The following ADAMTS9 variants were observed in gnomAD, a reference collection of about 807,000 sequenced individuals.
ADAMTS9 encodes A disintegrin and metalloproteinase with thrombospondin motifs 9.
A neutral mutation model predicts 257.1 loss-of-function variants in ADAMTS9; 107 were observed. The observed-to-expected ratio is 0.42, with a 90% CI of 0.36 to 0.49. The LOEUF (loss-of-function observed/expected upper bound fraction) is 0.49, where lower values mean the gene tolerates loss of function less well. ADAMTS9 is among the 20% of genes least tolerant of loss of function. ADAMTS9 has a pLI of 0.03. For missense variants in ADAMTS9, 2,353 were observed against 2,469.1 expected, an observed-to-expected ratio of 0.95 and a Z score of 1.00; for synonymous variants, 982 against 880.9, an observed-to-expected ratio of 1.11 and a Z score of -2.03.
rs1576197970 is a variant in ADAMTS9, at chr3:64,687,768, C to G, written c.-111G>C. ...TGGAGAGCGCGCGGAGCCCGGCGCCCGCCGCCAACTTTTGACTTTAGGAGT... is the reference window on the plus strand; with the variant it reads ...TGGAGAGCGCGCGGAGCCCGGCGCCGGCCGCCAACTTTTGACTTTAGGAGT... On this transcript the variant is annotated 5_prime_UTR_variant, in exon 1 of 40. Coordinates refer to ENST00000498707, the MANE Select transcript of ADAMTS9 (RefSeq NM_182920.2). The surrounding 1 kb of genome is among the most constrained non-coding windows in gnomAD (Gnocchi z 4.4). 1 of 821,804 alleles carries G rather than the reference C, an allele frequency of 1.2e-6. No homozygotes were observed. The highest frequency in any genetic ancestry group is 1.8e-6 in the Non-Finnish European group (1 of 562,366). 50.9% of individuals were successfully genotyped at this position (821,804 alleles called of 1,614,324 possible). A position where few individuals can be genotyped will look rare whatever the true frequency, so the allele number is the denominator to read the frequency against.
chr3:64,621,590 G>A (rs1559796275), intron 18 of ADAMTS9, among the ~76,000 whole-genome samples: 2 of 151,698 alleles, frequency 1.3e-5, no homozygotes, highest in South Asian at 2.1e-4. Context: ...GGTGAAACCC[G>A]TTCTCTACCA....
At chr3:64,535,557 T>TC (rs1242466682) in intron 37 of ADAMTS9, among the ~76,000 whole-genome samples, 7 of 131,084 alleles carry the variant, frequency 5.3e-5, no homozygotes, top group East Asian at 6.4e-4. Flanking sequence ...CTTTTCTTTT[T>TC]TTTTTTTTTT....
intron 28 of ADAMTS9, among the ~76,000 whole-genome samples, chr3:64,577,700 C>A (rs1381574458): frequency 6.6e-6 from 1 of 151,032 alleles, no homozygotes; most frequent in Admixed American, 6.6e-5. Flanking sequence ...GGCAGACCCA[C>A]TTGACATGAC....
chr3:64,600,249 G>A (rs1199781813), intron 26 of ADAMTS9, among the ~76,000 whole-genome samples: 2 of 152,050 alleles, frequency 1.3e-5, no homozygotes, highest in Non-Finnish European at 1.5e-5. Context: ...TGTGTACCAT[G>A]CAATGCAATG....
At position 64,561,671 on chromosome 3, in the gene ADAMTS9, G is replaced by C. The variant is rs1410729278; in HGVS notation, c.4605C>G (p.Thr1535=). ...QIGTHKIARE[T]ECNPYTRPES... ...CCGGTCTGGTGTATGGGTTGCACTC[G>C]GTCTCTCTGGCTATTTTGTGTGTTC... Residue 1535 remains threonine, a synonymous_variant, in exon 30 of 40, where the codon ACC becomes ACG. Transcript: ENST00000498707. 1.9e-6 allele frequency: 3 copies of C among 1,613,978 alleles called. No homozygotes were observed. Among genetic ancestry groups the C allele is most frequent in the Non-Finnish European group, 2.5e-6 (3 of 1,179,980 alleles).
intron 15 of ADAMTS9, 88 bp from the exon 16 acceptor site, chr3:64,631,638 G>A: frequency 7.8e-7 from 1 of 1,286,766 alleles, no homozygotes; most frequent in Non-Finnish European, 1.1e-6. Flanking sequence ...CAAAGGAATA[G>A]AATATAATTC....
At chr3:64,583,113 C>T (rs1167889538) in intron 28 of ADAMTS9, 1 of 152,182 alleles carries the variant, frequency 6.6e-6, no homozygotes, top group East Asian at 1.9e-4. Flanking sequence ...AATGCCCACC[C>T]ACATTTATGC....
chr3:64,592,019 G>A (rs1042699301), intron 28 of ADAMTS9, among the ~76,000 whole-genome samples: 2 of 152,076 alleles, frequency 1.3e-5, no homozygotes, highest in African/African-American at 2.4e-5. Context: ...GAATTACTAA[G>A]ATATTATACC....
At chr3:64,547,533 G>C (rs1303770059) in intron 31 of ADAMTS9, among the ~76,000 whole-genome samples, 1 of 14,730 alleles carries the variant, frequency 6.8e-5, no homozygotes, top group African/African-American at 1.1e-4. Flanking sequence ...TTTTTTTTGA[G>C]ACTGTGTCTC....
At chr3:64,520,836 T>C (rs1454332877) in intron 39 of ADAMTS9, among the ~76,000 whole-genome samples, 1 of 152,080 alleles carries the variant, frequency 6.6e-6, no homozygotes, top group Non-Finnish European at 1.5e-5. Context: ...CTTCAAAACA[T>C]AAAAATTCTA....
In ADAMTS9 at chr3:64,594,376, T is replaced by C. The variant is rs779279115; in HGVS notation, c.4238A>G (p.Asn1413Ser). Reference protein sequence around the residue: ...RTRLVVCQRSNGERFPDLSCE... With the variant: ...RTRLVVCQRSSGERFPDLSCE... ...GCTCAAATCTGGAAACCGTTCACCG[T>C]TGGACCGCTGACAGACCACCAGTCT... Residue 1413 changes from asparagine to serine, a missense_variant, in exon 28 of 40, where the codon AAC becomes AGC. Asn to Ser is a conservative substitution (Grantham distance 46). Around this residue, in one of 3 missense-constraint regions of ADAMTS9, gnomAD observed 1,402 missense variants for 1,441.4 expected, o/e 0.97. Coordinates refer to ENST00000498707, the MANE Select transcript of ADAMTS9 (RefSeq NM_182920.2). The C allele has an allele frequency of 1.2e-5, 19 of 1,614,058 alleles. No homozygotes were observed. The highest frequency in any genetic ancestry group is 5.3e-5 in the African/African-American group (4 of 75,028).
At position 64,536,240 on chromosome 3, in the gene ADAMTS9, A is replaced by G. The variant is rs574582587; in HGVS notation, c.5613+2963T>C. 9.2e-5 allele frequency among the ~76,000 whole-genome samples: 14 copies of G among 152,318 alleles called. No individual in the cohort carries two copies. In the South Asian group the frequency reaches 2.9e-3, roughly 32 times the overall value. On this transcript the variant is annotated intron_variant, in intron 37 of 39. Transcript: ENST00000498707. ...CAGTTTAGGGATCTGCATTTCAGCA[A>G]ATGTCCTAGCTGATTGTTAGCACTC...
At position 64,631,500 on chromosome 3, in the gene ADAMTS9, G is replaced by A. The variant is rs1049047605; in HGVS notation, c.2344C>T (p.Arg782Trp). The change falls in exon 16 of 40, where the codon CGG becomes TGG. Residue 782 changes from arginine to tryptophan, a missense_variant. Arg to Trp is a moderately radical substitution (Grantham distance 101, BLOSUM62 -3). This residue lies in a region of ADAMTS9 where 360 missense variants were observed against 458.1 expected (regional missense o/e 0.79). Transcript: ENST00000498707. ...GTTTCCCCTGAGAAACTGTGCTGCCGCACATCAATATTGGTAGCACCAGCT... is the reference window on the plus strand; with the variant it reads ...GTTTCCCCTGAGAAACTGTGCTGCCACACATCAATATTGGTAGCACCAGCT... Reference protein sequence around the residue: ...IPAGATNIDVRQHSFSGETDD... With the variant: ...IPAGATNIDVWQHSFSGETDD... 6 of 1,614,070 alleles carry A rather than the reference G, an allele frequency of 3.7e-6. No homozygotes were observed. Among genetic ancestry groups the A allele is most frequent in the South Asian group, 1.1e-5 (1 of 91,086 alleles).
At chr3:64,665,914 A>C (rs1701344965) in intron 3 of ADAMTS9, among the ~76,000 whole-genome samples, 2 of 152,228 alleles carry the variant, frequency 1.3e-5, no homozygotes, top group Non-Finnish European at 2.9e-5. Flanking sequence ...AAGCATATAG[A>C]GAATTTCTTA....
intron 12 of ADAMTS9, among the ~76,000 whole-genome samples, chr3:64,634,716 C>T (rs912926536): frequency 2.0e-5 from 3 of 152,286 alleles, no homozygotes; most frequent in Admixed American, 6.5e-5. Flanking sequence ...GGCTCACTCA[C>T]CCAGGGCTGA....
Position 64,634,267 on chromosome 3 carries a change from A to G in ADAMTS9, c.1857-388T>C, listed in dbSNP as rs147218189. On this transcript the variant is annotated intron_variant, in intron 12 of 39. Transcript: ENST00000498707. ...GGTGCTTCAATGTTTAAAATGTAGA[A>G]GGTGAAAGGTACCCAAGAGTAGTTT... is the stretch of plus-strand genomic sequence containing the variant. Among the ~76,000 whole-genome samples the G allele has an allele frequency of 2.6e-3, 400 of 152,232 alleles. 2 individuals carry two copies. The highest frequency in any genetic ancestry group is 9.3e-3 in the African/African-American group (386 of 41,540).
chr3:64,588,586 T>C (rs2084203314), intron 28 of ADAMTS9: 1 of 151,988 alleles, frequency 6.6e-6, no homozygotes, highest in South Asian at 2.1e-4. Context: ...ATTCCAAAGT[T>C]TCTATTTCTT....
chr3:64,558,251 C>T (rs1218390960), intron 30 of ADAMTS9, among the ~76,000 whole-genome samples: 1 of 152,036 alleles, frequency 6.6e-6, no homozygotes, highest in East Asian at 1.9e-4. Flanking sequence ...CTTCAAATTC[C>T]AGCCATATTA....
chr3:64,543,207 TA>T (rs140523279), intron 32 of ADAMTS9, among the ~76,000 whole-genome samples: 152,329 of 152,330 alleles, frequency 1, 76,164 homozygotes, highest in Non-Finnish European at 1. Context: ...GCTGGTACCA[TA>T]TCCTTCTGAA....
Sources: gnomAD v4.1 joint callset for allele counts (sites outside exome capture counted in the v4.1 genomes callset) on GRCh38, gnomAD v4.1.1 for gene constraint, gnomAD v4.1.1 regional missense constraint, Gnocchi (gnomAD v3.1) non-coding constraint, MANE v1.5 for transcripts, NCBI Gene and HGNC (gene_info 2026-07-23, HGNC 2026-07-21) for gene names.